The following TNPO3 variants were observed in gnomAD, a reference collection of about 807,000 sequenced individuals.
The protein encoded by TNPO3 is transportin-3.
A neutral mutation model predicts 122.8 loss-of-function variants in TNPO3; 65 were observed. The ratio of observed to expected loss-of-function variants is 0.53; its 90% CI spans 0.43 to 0.65. The LOEUF is 0.65. TNPO3 is among the 30% of genes least tolerant of loss of function. The probability of loss-of-function intolerance (pLI) is 0.00; values close to 1 mark genes in which losing one functional copy is unlikely to be tolerated. For missense variants in TNPO3, 850 were observed against 1,136.7 expected (o/e 0.75, Z 3.63); for synonymous variants, 372 against 411.2 (o/e 0.90, Z 1.15).
intron 5 of TNPO3, among the ~76,000 whole-genome samples, chr7:129,003,068 A>C (rs1802159297): frequency 7.0e-6 from 1 of 142,922 alleles, no homozygotes; most frequent in Non-Finnish European, 1.5e-5. Flanking sequence ...AAAAAAATAC[A>C]AAAAATTAGC....
intron 4 of TNPO3, among the ~76,000 whole-genome samples, chr7:129,013,658 T>C (rs1803481383): frequency 6.6e-6 from 1 of 152,150 alleles, no homozygotes; most frequent in African/African-American, 2.4e-5. Context: ...CAAGAAGATC[T>C]CTACAATCCC....
chr7:128,995,640 G>C (rs1044413416), intron 8 of TNPO3, among the ~76,000 whole-genome samples: 5 of 152,214 alleles, frequency 3.3e-5, no homozygotes, highest in Non-Finnish European at 7.3e-5. Context: ...TTAAACCAAA[G>C]GGGCCCTGCT....
At chr7:129,018,479 CTAAAA>C (rs766470202) in intron 1 of TNPO3, among the ~76,000 whole-genome samples, 2 of 152,142 alleles carry the variant, frequency 1.3e-5, no homozygotes, top group Non-Finnish European at 2.9e-5. Flanking sequence ...CTCCACTAAA[CTAAAA>C]TGTCACTGTA....
chr7:128,991,130 CA>C (rs1800703469), intron 10 of TNPO3, among the ~76,000 whole-genome samples: 2 of 152,106 alleles, frequency 1.3e-5, no homozygotes, highest in Non-Finnish European at 2.9e-5. Context: ...ACAGAAGGTT[CA>C]AAATGACACC....
chr7:129,035,782 A>G (rs1194832208), intron 1 of TNPO3, among the ~76,000 whole-genome samples: 1 of 152,186 alleles, frequency 6.6e-6, no homozygotes, highest in Non-Finnish European at 1.5e-5. Flanking sequence ...GTGATTGAGT[A>G]AAAATGACAA....
intron 3 of TNPO3, 134 bp from the exon 4 acceptor site, chr7:129,015,269 C>A (rs1803707441): frequency 4.8e-6 from 4 of 831,506 alleles, no homozygotes; most frequent in East Asian, 2.9e-5. Flanking sequence ...AAAAAAGATA[C>A]AAACATAAAT....
At chr7:129,001,832 C>G (rs1187777471) in intron 5 of TNPO3, among the ~76,000 whole-genome samples, 1 of 152,192 alleles carries the variant, frequency 6.6e-6, no homozygotes, top group African/African-American at 2.4e-5. Context: ...CTTGTTCACA[C>G]CAGCCCCTCC....
At chr7:128,980,082 G>A (rs1585331400) in intron 14 of TNPO3, 51 bp from the exon 15 acceptor site, 1 of 1,514,338 alleles carries the variant, frequency 6.6e-7, no homozygotes, top group Non-Finnish European at 9.2e-7. Flanking sequence ...ATTTCACTGA[G>A]GACCCAGAGC....
chr7:129,033,378 A>G (rs1402679205), intron 1 of TNPO3, among the ~76,000 whole-genome samples: 1 of 152,192 alleles, frequency 6.6e-6, no homozygotes, highest in East Asian at 1.9e-4. Flanking sequence ...TCAAAGCCAC[A>G]ACAAAATATT....
chr7:128,962,756 A>G (rs1480132398), intron 21 of TNPO3, among the ~76,000 whole-genome samples: 1 of 152,176 alleles, frequency 6.6e-6, no homozygotes, highest in African/African-American at 2.4e-5. Context: ...TGGAAGATCA[A>G]GTAGGTCAGG....
chr7:129,052,954 G>A (rs1808952771), intron 1 of TNPO3, among the ~76,000 whole-genome samples: 1 of 152,194 alleles, frequency 6.6e-6, no homozygotes, highest in Non-Finnish European at 1.5e-5. Flanking sequence ...TGATTTTCTT[G>A]TGTAGCCTAC....
At chr7:128,963,095 G>A (rs1445896576) in intron 21 of TNPO3, among the ~76,000 whole-genome samples, 2 of 152,148 alleles carry the variant, frequency 1.3e-5, no homozygotes, top group Non-Finnish European at 2.9e-5. Context: ...TCTCCTCCAA[G>A]GAGAAAGGAG....
At chr7:128,962,084 G>C (rs1184816920) in intron 21 of TNPO3, among the ~76,000 whole-genome samples, 6 of 152,066 alleles carry the variant, frequency 3.9e-5, no homozygotes, top group Admixed American at 3.9e-4. Flanking sequence ...CTAGGGAATT[G>C]GCCAGGCGCG....
intron 10 of TNPO3, 46 bp downstream of exon 10, chr7:128,991,953 C>T (rs750801204): frequency 7.4e-7 from 1 of 1,349,286 alleles, no homozygotes; most frequent in Admixed American, 2.2e-5. Context: ...ATTTTCCTTC[C>T]TCTTGATATT....
chr7:128,957,439 T>C, intron 21 of TNPO3, 124 bp from the exon 22 acceptor site: 2 of 884,634 alleles, frequency 2.3e-6, no homozygotes, highest in Non-Finnish European at 3.6e-6. Flanking sequence ...CTCCATCGTC[T>C]CCTGAGCGAT....
chr7:128,990,178 C>T (rs1438639506), intron 10 of TNPO3, 78 bp from the exon 11 acceptor site: 1 of 1,478,924 alleles, frequency 6.8e-7, no homozygotes, highest in Non-Finnish European at 9.5e-7. Flanking sequence ...TGTGACGACA[C>T]ACAGCATTGC....
At chr7:129,055,912 C>T (rs1034897583), upstream of TNPO3, 22 of 629,696 alleles carry the variant, frequency 3.5e-5, no homozygotes, top group African/African-American at 3.3e-4. Context: ...ATGTGTAAAA[C>T]ACTGTAGTTA....
At chr7:129,007,644 C>T (rs1052500504) in intron 4 of TNPO3, among the ~76,000 whole-genome samples, 9 of 152,226 alleles carry the variant, frequency 5.9e-5, no homozygotes, top group Non-Finnish European at 1.0e-4. Context: ...TAACTAAATG[C>T]AGACTCACTT....
intron 22 of TNPO3, 121 bp from the exon 23 acceptor site, chr7:128,955,506 G>A: frequency 8.7e-6 from 3 of 345,974 alleles, no homozygotes; most frequent in African/African-American, 2.2e-5. Flanking sequence ...CTGCCAATAA[G>A]AACTCAGAAA....
Sources: allele counts gnomAD v4.1 joint callset (sites outside exome capture counted in the v4.1 genomes callset), GRCh38; gene constraint gnomAD v4.1.1; transcripts MANE v1.5; gene names NCBI Gene and HGNC (gene_info 2026-07-23, HGNC 2026-07-21).